The following CELF2 variants were observed in gnomAD, a reference collection of about 807,000 sequenced individuals.
CELF2 encodes CUG triplet repeat RNA-binding protein 2.
Under a neutral mutation model 62.6 loss-of-function variants are expected in CELF2, and 8 were observed. The observed-to-expected ratio is 0.13, with a 90% CI of 0.07 to 0.23. The LOEUF (loss-of-function observed/expected upper bound fraction) is 0.23, where lower values mean the gene tolerates loss of function less well. Ranked by LOEUF, CELF2 falls within the 10% of genes least tolerant of loss-of-function variation. The pLI is 1.00. For missense variants in CELF2, 333 were observed against 671.0 expected, an observed-to-expected ratio of 0.50 and a Z score of 5.56; for synonymous variants, 258 against 250.0, an observed-to-expected ratio of 1.03 and a Z score of -0.30.
the CELF2 span, among the ~76,000 whole-genome samples, chr10:10,700,586 G>A: frequency 2.0e-5 from 3 of 152,114 alleles, no homozygotes; most frequent in Non-Finnish European, 4.4e-5. Flanking sequence ...GGCCTGCAAT[G>A]GACCTGAATT....
chr10:10,695,653 G>A, the CELF2 span, among the ~76,000 whole-genome samples: 10 of 152,112 alleles, frequency 6.6e-5, no homozygotes, highest in East Asian at 1.9e-4. Context: ...CCAATCAGAC[G>A]TAGATTTGGT....
chr10:10,586,870 T>TTTTTTC, the CELF2 span, among the ~76,000 whole-genome samples: 2 of 152,170 alleles, frequency 1.3e-5, no homozygotes, highest in Admixed American at 1.3e-4. Context: ...ACCAGGTGGA[T>TTTTTTC]TGTATACGGC....
intron 7 of CELF2, among the ~76,000 whole-genome samples, chr10:11,272,798 G>A (rs2084332477): frequency 6.6e-6 from 1 of 152,174 alleles, no homozygotes; most frequent in South Asian, 2.1e-4. Flanking sequence ...ACCAGAGGTT[G>A]GTTATCCATG....
the CELF2 span, among the ~76,000 whole-genome samples, chr10:10,752,605 G>T: frequency 1.4e-5 from 2 of 141,300 alleles, no homozygotes; most frequent in Admixed American, 1.5e-4. Context: ...CAGGGGAATC[G>T]CTTGAACCCG....
intron 1 of CELF2, among the ~76,000 whole-genome samples, chr10:11,132,194 A>C (rs1354033989): frequency 6.6e-6 from 1 of 152,246 alleles, no homozygotes; most frequent in Non-Finnish European, 1.5e-5. Context: ...ACCAGTGTGT[A>C]GTCAAGAGCA....
the CELF2 span, among the ~76,000 whole-genome samples, chr10:10,763,605 C>G: frequency 1.3e-5 from 2 of 152,288 alleles, no homozygotes; most frequent in Middle Eastern, 3.4e-3. Flanking sequence ...TAAACCATGT[C>G]TCTTTTGTGG....
chr10:10,888,499 C>CTA (rs1476040097), intron 1 of CELF2, among the ~76,000 whole-genome samples: 2 of 152,160 alleles, frequency 1.3e-5, no homozygotes, highest in Non-Finnish European at 2.9e-5. Flanking sequence ...CTTTCTGAGA[C>CTA]TAACAAATGG....
chr10:11,223,938 C>T lies in CELF2; in HGVS notation c.354+6431C>T, dbSNP rs2065678041. ...ACCCGCCATAAAGTTTTACACACTA[C>T]CTGAATAGCAGGTTGTTTTGGTTTT... On this transcript the variant is annotated intron_variant, in intron 3 of 12. Coordinates refer to ENST00000633077, the MANE Select transcript of CELF2 (RefSeq NM_001326342.2). The surrounding 1 kb of genome is among the most constrained non-coding windows in gnomAD (Gnocchi z 5.1). 6.6e-6 allele frequency among the ~76,000 whole-genome samples: 1 copy of T among 152,242 alleles called. No individual in the cohort carries two copies. The highest frequency in any genetic ancestry group is 1.5e-5 in the Non-Finnish European group (1 of 68,048).
intron 1 of CELF2, among the ~76,000 whole-genome samples, chr10:10,892,692 ATG>A (rs1381631156): frequency 3.3e-5 from 5 of 152,178 alleles, no homozygotes; most frequent in Non-Finnish European, 7.3e-5. Context: ...AACTTGGACA[ATG>A]TGTCATTCCC....
the CELF2 span, among the ~76,000 whole-genome samples, chr10:10,618,229 A>G: frequency 3.9e-5 from 6 of 151,952 alleles, no homozygotes; most frequent in Admixed American, 6.5e-5. Context: ...GCTTAAAATC[A>G]ATTTTTGGCT....
chr10:11,256,541 C>T (rs928666893), intron 4 of CELF2, among the ~76,000 whole-genome samples: 2 of 148,504 alleles, frequency 1.3e-5, no homozygotes, highest in Non-Finnish European at 3.0e-5. Flanking sequence ...TAGCCCAGGA[C>T]ACTCTTCAGT....
intron 1 of CELF2, among the ~76,000 whole-genome samples, chr10:11,032,871 G>A (rs547950729): frequency 1.3e-5 from 2 of 152,268 alleles, no homozygotes; most frequent in African/African-American, 4.8e-5. Context: ...TGTATATATA[G>A]TGAATTAGAT....
the CELF2 span, among the ~76,000 whole-genome samples, chr10:10,696,907 G>A: frequency 1.7e-4 from 26 of 152,274 alleles, no homozygotes; most frequent in African/African-American, 5.3e-4. Context: ...AGATGAACCC[G>A]GTACCTCAGA....
intron 2 of CELF2, among the ~76,000 whole-genome samples, chr10:10,999,346 A>G (rs1423365304): frequency 6.6e-6 from 1 of 152,276 alleles, no homozygotes; most frequent in Non-Finnish European, 1.5e-5. Context: ...ACTTAGGTTC[A>G]CATGGAGGAA....
chr10:10,836,833 C>T (rs576421164), intron 1 of CELF2, among the ~76,000 whole-genome samples: 1 of 152,114 alleles, frequency 6.6e-6, no homozygotes, highest in Non-Finnish European at 1.5e-5. Context: ...GATGGGGTTT[C>T]ACCGCGTTAG....
intron 9 of CELF2, among the ~76,000 whole-genome samples, chr10:11,313,077 C>T (rs1242118422): frequency 6.6e-6 from 1 of 152,128 alleles, no homozygotes; most frequent in African/African-American, 2.4e-5. Context: ...AGCCAAAATA[C>T]AAACAGATAA....
chr10:10,638,705 A>G, the CELF2 span, among the ~76,000 whole-genome samples: 1 of 152,180 alleles, frequency 6.6e-6, no homozygotes, highest in Non-Finnish European at 1.5e-5. Flanking sequence ...ACAGGTGCCT[A>G]AATCATGAAA....
intron 1 of CELF2, among the ~76,000 whole-genome samples, chr10:11,140,945 G>T (rs1449636801): frequency 6.6e-6 from 1 of 152,216 alleles, no homozygotes; most frequent in Non-Finnish European, 1.5e-5. Flanking sequence ...TGCGCCGGGG[G>T]TGTTGAGGCT....
Position 11,159,394 on chromosome 10 carries a change from T to C in CELF2, c.75-6092T>C, listed in dbSNP as rs1041189628. Among the ~76,000 whole-genome samples, 1 of 152,240 alleles carries C rather than the reference T, an allele frequency of 6.6e-6. No homozygotes were observed. The highest frequency in any genetic ancestry group is 6.5e-5 in the Admixed American group (1 of 15,292). ...TCATGGAAGACAGACGCGTTTTTCA[T>C]GATGACTGTGAAGCAGTGCATTTTA... On this transcript the variant is annotated intron_variant, in intron 1 of 12. Coordinates refer to ENST00000633077, the MANE Select transcript of CELF2 (RefSeq NM_001326342.2). The surrounding 1 kb of genome is among the most constrained non-coding windows in gnomAD (Gnocchi z 5.0).
Sources: allele counts gnomAD v4.1 joint callset (sites outside exome capture counted in the v4.1 genomes callset), GRCh38; gene constraint gnomAD v4.1.1; non-coding constraint Gnocchi (gnomAD v3.1); transcripts MANE v1.5; gene names NCBI Gene and HGNC (gene_info 2026-07-23, HGNC 2026-07-21).